Variants in KCNQ5 observed in about 807,000 individuals in gnomAD.
The protein encoded by KCNQ5 is potassium voltage-gated channel subfamily Q member 5, also known as potassium voltage-gated channel subfamily KQT member 5.
KCNQ5 carries 30 observed loss-of-function variants against 98.2 expected under a neutral mutation model. The ratio of observed to expected loss-of-function variants is 0.31; its 90% CI spans 0.23 to 0.41. KCNQ5 has a LOEUF of 0.41. KCNQ5 is among the 10% of genes least tolerant of loss of function. KCNQ5 has a pLI of 1.00. For synonymous variants in KCNQ5, 458 were observed against 449.4 expected, an observed-to-expected ratio of 1.02 and a Z score of -0.24; for missense variants, 835 against 1,182.5, an observed-to-expected ratio of 0.71 and a Z score of 4.31.
At chr6:72,977,990 C>G (rs535473098) in intron 1 of KCNQ5, among the ~76,000 whole-genome samples, 1 of 152,192 alleles carries the variant, frequency 6.6e-6, no homozygotes, top group African/African-American at 2.4e-5. Flanking sequence ...ATTCTTGATA[C>G]TAGAAATAAA....
At chr6:73,175,474 A>G (rs1778179248) in intron 11 of KCNQ5, among the ~76,000 whole-genome samples, 1 of 152,088 alleles carries the variant, frequency 6.6e-6, no homozygotes, top group Non-Finnish European at 1.5e-5. Context: ...TTTTTCAACC[A>G]TGAAGAGCAA....
chr6:73,112,934 A>C (rs1268505921), intron 7 of KCNQ5, among the ~76,000 whole-genome samples: 1 of 151,018 alleles, frequency 6.6e-6, no homozygotes, highest in Non-Finnish European at 1.5e-5. Flanking sequence ...ATCACTGAGA[A>C]TCTCTATTTT....
intron 1 of KCNQ5, among the ~76,000 whole-genome samples, chr6:72,749,826 T>G (rs930035681): frequency 2.0e-5 from 3 of 152,158 alleles, no homozygotes; most frequent in African/African-American, 7.2e-5. Flanking sequence ...CCTTTTTCAT[T>G]TATTTCTTCA....
chr6:73,000,595 CT>C (rs1315608252), intron 1 of KCNQ5, among the ~76,000 whole-genome samples: 1 of 152,174 alleles, frequency 6.6e-6, no homozygotes, highest in Non-Finnish European at 1.5e-5. Context: ...CTGACTTTGA[CT>C]TTTCTTCTCC....
At chr6:73,093,523 CT>C (rs1774342854) in intron 5 of KCNQ5, among the ~76,000 whole-genome samples, 1 of 152,046 alleles carries the variant, frequency 6.6e-6, no homozygotes, top group African/African-American at 2.4e-5. Flanking sequence ...CTCTTTCAGA[CT>C]TTTTGATGTA....
intron 1 of KCNQ5, among the ~76,000 whole-genome samples, chr6:72,985,096 C>T (rs1768699620): frequency 6.6e-6 from 1 of 152,120 alleles, no homozygotes; most frequent in Non-Finnish European, 1.5e-5. Flanking sequence ...GTCCTAGATA[C>T]TTGGGAGGCT....
intron 1 of KCNQ5, among the ~76,000 whole-genome samples, chr6:72,982,365 C>G (rs908598069): frequency 6.6e-6 from 1 of 152,046 alleles, no homozygotes; most frequent in African/African-American, 2.4e-5. Context: ...ATATTTAGGA[C>G]AGTTAGCTCT....
chr6:73,185,881 C>T (rs570871646), intron 11 of KCNQ5, among the ~76,000 whole-genome samples: 8 of 152,284 alleles, frequency 5.3e-5, no homozygotes, highest in African/African-American at 1.4e-4. Context: ...CTTCTTTTAA[C>T]GAAAGTATAA....
rs1423240357 is a variant in KCNQ5 at position 72,974,926 on chromosome 6, A to G, written c.399-28982A>G. Among the ~76,000 whole-genome samples, 3 of 152,100 alleles carry G rather than the reference A, an allele frequency of 2.0e-5. No individual in the cohort carries two copies. The East Asian group carries it at 5.8e-4, about 29-fold the overall frequency. The stretch of plus-strand genomic sequence containing the variant: ...TAATTTTTTGTATTTTAGTAGAGAC[A>G]GGGTTTCACTGTGTTGCCCAGGCTG... On this transcript the variant is annotated intron_variant, in intron 1 of 13. Coordinates refer to ENST00000370398, the MANE Select transcript of KCNQ5 (RefSeq NM_019842.4).
At chr6:73,143,281 T>A (rs1776791650) in intron 10 of KCNQ5, 1 of 152,114 alleles carries the variant, frequency 6.6e-6, no homozygotes, top group Non-Finnish European at 1.5e-5. Context: ...CAAATCTGAG[T>A]TTTTATAATC....
chr6:73,147,118 C>A (rs949383226), intron 10 of KCNQ5, among the ~76,000 whole-genome samples: 11 of 152,014 alleles, frequency 7.2e-5, no homozygotes, highest in Non-Finnish European at 8.8e-5. Flanking sequence ...ATGAGACAAA[C>A]GACTTAACCT....
At chr6:73,133,938 A>G (rs914291960) in intron 10 of KCNQ5, 1 of 528,314 alleles carries the variant, frequency 1.9e-6, no homozygotes, top group Admixed American at 2.3e-5. Flanking sequence ...CCACATTAAG[A>G]TCAATGGGAC....
At chr6:73,097,916 A>G (rs1774585096) in intron 5 of KCNQ5, among the ~76,000 whole-genome samples, 1 of 152,178 alleles carries the variant, frequency 6.6e-6, no homozygotes, top group African/African-American at 2.4e-5. Flanking sequence ...GATGGCTACA[A>G]ACAAGCCCAG....
chr6:72,948,553 A>G (rs1486980054), intron 1 of KCNQ5, among the ~76,000 whole-genome samples: 1 of 152,144 alleles, frequency 6.6e-6, no homozygotes, highest in Non-Finnish European at 1.5e-5. Flanking sequence ...TATGTATTAT[A>G]AGAAAAAAGA....
intron 1 of KCNQ5, among the ~76,000 whole-genome samples, chr6:72,976,712 T>C (rs7741862): frequency 4.8e-4 from 73 of 152,332 alleles, no homozygotes; most frequent in African/African-American, 1.6e-3. Context: ...TAAGTGAGGC[T>C]CATTCCCATG....
chr6:72,795,572 C>G (rs932699296), intron 1 of KCNQ5, among the ~76,000 whole-genome samples: 7 of 152,148 alleles, frequency 4.6e-5, no homozygotes, highest in African/African-American at 1.7e-4. Flanking sequence ...AGAATTCACT[C>G]ATCTTTAAAT....
At chr6:72,951,783 C>T (rs897078702) in intron 1 of KCNQ5, among the ~76,000 whole-genome samples, 4 of 152,144 alleles carry the variant, frequency 2.6e-5, no homozygotes, top group Admixed American at 6.5e-5. Context: ...TTATGTATTA[C>T]GTACTTAGAA....
chr6:72,958,643 C>G (rs534883696), intron 1 of KCNQ5, among the ~76,000 whole-genome samples: 61 of 152,214 alleles, frequency 4.0e-4, no homozygotes, highest in South Asian at 3.9e-3. Flanking sequence ...CCATATGAGG[C>G]CTAACATATG....
At chr6:72,852,662 A>ATATATATATATATATATATATATATATAT (rs1389810749) in intron 1 of KCNQ5, among the ~76,000 whole-genome samples, 12 of 38,348 alleles carry the variant, frequency 3.1e-4, no homozygotes, top group African/African-American at 1.1e-3. Flanking sequence ...TATATATATA[A>ATATATATATATATATATATATATATATAT]ATGGCACTTA....
Sources: allele counts gnomAD v4.1 joint callset (sites outside exome capture counted in the v4.1 genomes callset), GRCh38; gene constraint gnomAD v4.1.1; transcripts MANE v1.5; gene names NCBI Gene and HGNC (gene_info 2026-07-23, HGNC 2026-07-21).